Variants in TYR observed in about 807,000 individuals in gnomAD.
TYR encodes the protein LB24-AB.
TYR carries 58 observed loss-of-function variants against 51.5 expected under a neutral mutation model. The ratio of observed to expected loss-of-function variants is 1.13; its 90% CI spans 0.91 to 1.40. The LOEUF (loss-of-function observed/expected upper bound fraction) is 1.40. Among genes scored for constraint, TYR ranks in the 40% most tolerant of loss-of-function variants. TYR has a pLI of 0.00. For synonymous variants in TYR, 263 were observed against 235.2 expected (o/e 1.12, Z -1.08); for missense variants, 732 against 647.4 (o/e 1.13, Z -1.42).
chr11:89,271,418 T>C (rs944400800), intron 3 of TYR, among the ~76,000 whole-genome samples: 1 of 151,970 alleles, frequency 6.6e-6, no homozygotes, highest in African/African-American at 2.4e-5. Context: ...GTAGTATATT[T>C]ATGGTGCAGT....
intron 3 of TYR, among the ~76,000 whole-genome samples, chr11:89,252,650 C>A (rs866121895): frequency 2.0e-4 from 31 of 151,814 alleles, no homozygotes; most frequent in African/African-American, 7.5e-4. Flanking sequence ...AAACAAAGTA[C>A]TGATTCAGAA....
At chr11:89,279,525 A>G (rs1203518333) in intron 3 of TYR, among the ~76,000 whole-genome samples, 1 of 151,714 alleles carries the variant, frequency 6.6e-6, no homozygotes, top group East Asian at 1.9e-4. Context: ...ATAAAATCTA[A>G]GCATAAAATA....
At chr11:89,235,897 A>G (rs990535994) in intron 3 of TYR, among the ~76,000 whole-genome samples, 7 of 152,088 alleles carry the variant, frequency 4.6e-5, no homozygotes, top group African/African-American at 1.7e-4. Context: ...TGATTTAATC[A>G]CTCCACAATA....
At chr11:89,244,210 T>C (rs534613174) in intron 3 of TYR, among the ~76,000 whole-genome samples, 112 of 152,284 alleles carry the variant, frequency 7.4e-4, no homozygotes, top group Non-Finnish European at 1.1e-3. Flanking sequence ...CTTAAACTTG[T>C]GTTTGTTTCC....
chr11:89,270,645 CTAAAT>C (rs1255709939), intron 3 of TYR, among the ~76,000 whole-genome samples: 2 of 151,740 alleles, frequency 1.3e-5, no homozygotes, highest in African/African-American at 4.8e-5. Context: ...TATCTAAACA[CTAAAT>C]TAGTGATTCA....
At position 89,191,434 on chromosome 11, in the gene TYR, T is replaced by C. The variant is rs761296958; in HGVS notation, c.1036+16T>C. ...ACACTGGAAGGTAATCTCTTTCTTTTCACTTTTAATTTTTTTTCTGAATTC... is the reference window on the plus strand; with the variant it reads ...ACACTGGAAGGTAATCTCTTTCTTTCCACTTTTAATTTTTTTTCTGAATTC... On this transcript the variant is annotated intron_variant, in intron 2 of 4. Coordinates refer to ENST00000263321, the MANE Select transcript of TYR (RefSeq NM_000372.5). The C allele has an allele frequency of 1.2e-5, 20 of 1,609,420 alleles. No homozygotes were observed. In the East Asian group the frequency reaches 4.5e-4, roughly 36 times the overall value.
chr11:89,194,958 A>G (rs1298842434), intron 2 of TYR, among the ~76,000 whole-genome samples: 1 of 152,160 alleles, frequency 6.6e-6, no homozygotes, highest in African/African-American at 2.4e-5. Flanking sequence ...TTCATTGGGA[A>G]GGAAACTCAA....
intron 3 of TYR, among the ~76,000 whole-genome samples, chr11:89,250,754 C>A (rs1033037030): frequency 6.6e-6 from 1 of 151,796 alleles, no homozygotes; most frequent in African/African-American, 2.4e-5. Context: ...AGGGTTCACC[C>A]TAATAAGGTC....
chr11:89,178,836 AG>A (rs1943264379), intron 1 of TYR, 64 bp downstream of exon 1: 2 of 1,558,624 alleles, frequency 1.3e-6, no homozygotes, highest in African/African-American at 2.7e-5. Context: ...TTCTTCAGGC[AG>A]GGTATAAACT....
chr11:89,285,202 T>A (rs888507544), intron 4 of TYR, among the ~76,000 whole-genome samples: 5 of 151,436 alleles, frequency 3.3e-5, no homozygotes, highest in African/African-American at 4.8e-5. Context: ...AGCAGTAGAA[T>A]CAGAAGAAGA....
At chr11:89,198,407 C>A (rs1943552511) in intron 2 of TYR, among the ~76,000 whole-genome samples, 1 of 152,032 alleles carries the variant, frequency 6.6e-6, no homozygotes, top group African/African-American at 2.4e-5. Context: ...GTTTGGTGTA[C>A]CCTGACTCCG....
At chr11:89,197,208 T>C (rs771046164) in intron 2 of TYR, among the ~76,000 whole-genome samples, 3 of 152,118 alleles carry the variant, frequency 2.0e-5, no homozygotes, top group Non-Finnish European at 2.9e-5. Flanking sequence ...TCTACGTGGC[T>C]AGAATATTGA....
chr11:89,278,509 T>C (rs1015516405), intron 3 of TYR, among the ~76,000 whole-genome samples: 1 of 151,708 alleles, frequency 6.6e-6, no homozygotes, highest in African/African-American at 2.4e-5. Flanking sequence ...TTTTTTTGTG[T>C]GTGCTCATGG....
intron 4 of TYR, among the ~76,000 whole-genome samples, chr11:89,291,198 T>A (rs1944849477): frequency 6.6e-6 from 1 of 151,952 alleles, no homozygotes; most frequent in Non-Finnish European, 1.5e-5. Context: ...TCAGTAAACA[T>A]GTTCATTCTC....
chr11:89,220,684 G>A (rs959988321), intron 2 of TYR, among the ~76,000 whole-genome samples: 13 of 152,104 alleles, frequency 8.5e-5, no homozygotes, highest in Non-Finnish European at 1.9e-4. Flanking sequence ...AACCTGGGAG[G>A]CGGAGGTTGC....
chr11:89,214,477 T>C (rs1194041426), intron 2 of TYR, among the ~76,000 whole-genome samples: 1 of 152,186 alleles, frequency 6.6e-6, no homozygotes, highest in Non-Finnish European at 1.5e-5. Context: ...AGTGTGACGA[T>C]TCCTCAAGGA....
rs1939260 is a variant in TYR at position 89,178,131 on chromosome 11, C to T, written c.178C>T (p.Leu60=). ...CAGAGGTTCCTGTCAGAATATCCTTCTGTCCAATGCACCACTTGGGCCTCA... is the reference window on the plus strand; with the variant it reads ...CAGAGGTTCCTGTCAGAATATCCTTTTGTCCAATGCACCACTTGGGCCTCA... The part of the protein sequence containing the change: ...SGRGSCQNIL[L]SNAPLGPQFP... The change falls in exon 1 of 5, where the codon CTG becomes TTG. Residue 60 remains leucine (L), a synonymous_variant. Coordinates refer to ENST00000263321, the MANE Select transcript of TYR (RefSeq NM_000372.5). 4,485 of 1,614,206 alleles carry T rather than the reference C, an allele frequency of 2.8e-3. 106 individuals are homozygous for T. In the African/African-American group the frequency reaches 0.051, roughly 18 times the overall value.
chr11:89,204,583 A>C (rs1204841103), intron 2 of TYR, among the ~76,000 whole-genome samples: 1 of 151,968 alleles, frequency 6.6e-6, no homozygotes, highest in Admixed American at 6.6e-5. Context: ...TTTTTAGTAG[A>C]GACAGGATTT....
chr11:89,288,979 T>TA (rs1220579198), intron 4 of TYR, among the ~76,000 whole-genome samples: 1 of 152,038 alleles, frequency 6.6e-6, no homozygotes, highest in Non-Finnish European at 1.5e-5. Flanking sequence ...GTGGTTTCTG[T>TA]AAAAAGGCAG....
Sources: gnomAD v4.1 joint callset for allele counts (sites outside exome capture counted in the v4.1 genomes callset) on GRCh38, gnomAD v4.1.1 for gene constraint, MANE v1.5 for transcripts, NCBI Gene and HGNC (gene_info 2026-07-23, HGNC 2026-07-21) for gene names.